The following WWOX variants were observed in gnomAD, a reference collection of about 807,000 sequenced individuals.
WWOX encodes WW domain containing oxidoreductase.
In WWOX, 69 loss-of-function variants were observed where a neutral mutation model predicts 46.2. The observed-to-expected ratio is 1.49, with a 90% CI of 1.23 to 1.82. WWOX has a LOEUF of 1.82. Among genes scored for constraint, WWOX ranks in the 40% most tolerant of loss-of-function variants. WWOX has a pLI of 0.00. For synonymous variants in WWOX, 359 were observed against 202.6 expected, an observed-to-expected ratio of 1.77 and a Z score of -6.56; for missense variants, 919 against 542.6, an observed-to-expected ratio of 1.69 and a Z score of -6.89.
chr16:78,859,980 A>T (rs937727846), intron 8 of WWOX, among the ~76,000 whole-genome samples: 3 of 152,238 alleles, frequency 2.0e-5, no homozygotes, highest in African/African-American at 7.2e-5. Flanking sequence ...AGATAGCTAT[A>T]GCAAATAGCT....
At chr16:78,770,342 C>A (rs949114818) in intron 8 of WWOX, among the ~76,000 whole-genome samples, 3 of 148,320 alleles carry the variant, frequency 2.0e-5, no homozygotes, top group African/African-American at 5.0e-5. Flanking sequence ...TAGAGTGAGA[C>A]TCTGTCTCAA....
intron 8 of WWOX, among the ~76,000 whole-genome samples, chr16:78,913,599 C>G (rs369903717): frequency 2.6e-5 from 4 of 151,868 alleles, no homozygotes; most frequent in Non-Finnish European, 4.4e-5. Context: ...TGTGAGAAAT[C>G]TTTTACTGTA....
At chr16:78,566,518 G>C (rs1289254754) in intron 8 of WWOX, among the ~76,000 whole-genome samples, 1 of 152,196 alleles carries the variant, frequency 6.6e-6, no homozygotes, top group South Asian at 2.1e-4. Context: ...AGGCATCCAT[G>C]TGAGGCACAG....
intron 1 of WWOX, among the ~76,000 whole-genome samples, chr16:78,102,773 A>G (rs902898370): frequency 4.6e-5 from 7 of 152,168 alleles, no homozygotes; most frequent in Non-Finnish European, 8.8e-5. Flanking sequence ...GTCATGGGGC[A>G]GCTTGTTCAT....
chr16:79,059,640 G>A (rs906474582), intron 8 of WWOX, among the ~76,000 whole-genome samples: 7 of 152,104 alleles, frequency 4.6e-5, no homozygotes, highest in South Asian at 4.1e-4. Context: ...GATTATAGGC[G>A]CATGCCACCA....
At chr16:78,886,728 A>T (rs2044466682) in intron 8 of WWOX, among the ~76,000 whole-genome samples, 1 of 151,750 alleles carries the variant, frequency 6.6e-6, no homozygotes, top group Non-Finnish European at 1.5e-5. Context: ...GAATATGTCT[A>T]AAAGAAACTG....
chr16:78,751,454 T>C (rs1368823690), intron 8 of WWOX, among the ~76,000 whole-genome samples: 1 of 99,858 alleles, frequency 1.0e-5, no homozygotes, highest in African/African-American at 4.3e-5. Flanking sequence ...TATATATTTA[T>C]CAGATTTTAT....
chr16:78,735,819 G>C (rs1211107104), intron 8 of WWOX, among the ~76,000 whole-genome samples: 1 of 131,380 alleles, frequency 7.6e-6, no homozygotes, highest in African/African-American at 3.1e-5. Flanking sequence ...TCAAGGCTTT[G>C]TGAATCAGGG....
At chr16:78,904,390 C>T (rs569801819) in intron 8 of WWOX, among the ~76,000 whole-genome samples, 2 of 152,022 alleles carry the variant, frequency 1.3e-5, no homozygotes, top group Non-Finnish European at 2.9e-5. Context: ...AGGAGCACAC[C>T]ACTGCGCCCA....
intron 4 of WWOX, among the ~76,000 whole-genome samples, chr16:78,145,689 C>G (rs1309411437): frequency 6.6e-6 from 1 of 152,182 alleles, no homozygotes; most frequent in Non-Finnish European, 1.5e-5. Flanking sequence ...ATCACATTGA[C>G]ACTCAATATT....
intron 6 of WWOX, among the ~76,000 whole-genome samples, chr16:78,387,860 C>T (rs1377388546): frequency 6.6e-6 from 1 of 151,934 alleles, no homozygotes; most frequent in Non-Finnish European, 1.5e-5. Flanking sequence ...AAGATAATTA[C>T]ACAAGAGGCA....
At chr16:79,181,116 G>T (rs1326868318) in intron 8 of WWOX, among the ~76,000 whole-genome samples, 2 of 152,138 alleles carry the variant, frequency 1.3e-5, no homozygotes, top group African/African-American at 4.8e-5. Context: ...TTGCTAAGTG[G>T]CAATTTTGGA....
chr16:78,697,277 A>C (rs985450850), intron 8 of WWOX, among the ~76,000 whole-genome samples: 2 of 152,186 alleles, frequency 1.3e-5, no homozygotes, highest in African/African-American at 4.8e-5. Flanking sequence ...TTACATTCCC[A>C]CCAGCAGTGT....
Position 79,097,373 on chromosome 16 carries a change from A to G in WWOX, c.1057-114235A>G, listed in dbSNP as rs958215996. On this transcript the variant is annotated intron_variant, in intron 8 of 8. Coordinates refer to ENST00000566780, the MANE Select transcript of WWOX (RefSeq NM_016373.4). ...CTTTTTTTTTTTTTTTTTGGCCCAC[A>G]TCACTGCAGCCCATGGCAGAAGAGT... 6.1e-5 allele frequency among the ~76,000 whole-genome samples: 9 copies of G among 147,322 alleles called. No individual in the cohort carries two copies. In the East Asian group the frequency reaches 1.6e-3, roughly 26 times the overall value.
chr16:78,341,498 A>G (rs2151900046), intron 5 of WWOX, among the ~76,000 whole-genome samples: 1 of 119,308 alleles, frequency 8.4e-6, no homozygotes, highest in South Asian at 2.5e-4. Flanking sequence ...ATTATGTTTT[A>G]TTTTGCTGGG....
chr16:79,163,607 TG>T (rs1287016757), intron 8 of WWOX, among the ~76,000 whole-genome samples: 1 of 152,108 alleles, frequency 6.6e-6, no homozygotes, highest in African/African-American at 2.4e-5. Context: ...AAGACTAGCC[TG>T]CCCAAAATGG....
intron 8 of WWOX, among the ~76,000 whole-genome samples, chr16:79,128,258 A>G (rs2049801167): frequency 1.3e-5 from 2 of 152,156 alleles, no homozygotes; most frequent in South Asian, 4.1e-4. Context: ...CATTGGAGAA[A>G]TCTTTCCTAT....
intron 8 of WWOX, among the ~76,000 whole-genome samples, chr16:78,929,664 G>A (rs762189327): frequency 2.6e-5 from 4 of 152,116 alleles, no homozygotes; most frequent in Admixed American, 6.6e-5. Flanking sequence ...CTAAAGACCC[G>A]CGTGGACTGC....
chr16:78,463,134 A>T (rs2083991616), intron 8 of WWOX, among the ~76,000 whole-genome samples: 1 of 151,982 alleles, frequency 6.6e-6, no homozygotes, highest in Non-Finnish European at 1.5e-5. Flanking sequence ...ACTGTAGGAG[A>T]TTTGGGGTTG....
Sources: allele counts gnomAD v4.1 joint callset (sites outside exome capture counted in the v4.1 genomes callset), GRCh38; gene constraint gnomAD v4.1.1; transcripts MANE v1.5; gene names NCBI Gene and HGNC (gene_info 2026-07-23, HGNC 2026-07-21).